EGFL7: variants seen among roughly 807,000 people sequenced by gnomAD.
The protein encoded by EGFL7 is epidermal growth factor-like protein 7.
Under a neutral mutation model 37.1 loss-of-function variants are expected in EGFL7, and 48 were observed. The observed-to-expected ratio is 1.29, with a 90% CI of 1.03 to 1.65. The LOEUF (loss-of-function observed/expected upper bound fraction) is 1.65. Among genes scored for constraint, EGFL7 ranks in the 40% most tolerant of loss-of-function variants. EGFL7 has a pLI of 0.00. For synonymous variants in EGFL7, 180 were observed against 156.8 expected (o/e 1.15, Z -1.10); for missense variants, 384 against 378.9 (o/e 1.01, Z -0.11).
At chr9:136,665,509 G>A (rs964650075) in intron 3 of EGFL7, among the ~76,000 whole-genome samples, 1 of 152,178 alleles carries the variant, frequency 6.6e-6, no homozygotes, top group Non-Finnish European at 1.5e-5. Flanking sequence ...GGGCTTGGTC[G>A]TGCGTCCCCA....
upstream of EGFL7, among the ~76,000 whole-genome samples, chr9:136,661,997 G>A (rs753921702): frequency 1.3e-5 from 2 of 152,170 alleles, no homozygotes; most frequent in Admixed American, 6.5e-5. Context: ...CTTCGGCACC[G>A]TGTCCCCTCC....
chr9:136,662,698 C>A (rs1353826628), upstream of EGFL7, among the ~76,000 whole-genome samples: 3 of 152,160 alleles, frequency 2.0e-5, no homozygotes, highest in African/African-American at 4.8e-5. Flanking sequence ...TGTTTTGGGG[C>A]TAGACTCTGA....
chr9:136,665,312 A>T (rs982664387), intron 3 of EGFL7, among the ~76,000 whole-genome samples: 1 of 152,184 alleles, frequency 6.6e-6, no homozygotes, highest in Non-Finnish European at 1.5e-5. Context: ...CATGATGCCC[A>T]CTGCCTGCGA....
intron 2 of EGFL7, among the ~76,000 whole-genome samples, chr9:136,664,001 G>GT (rs758007330): frequency 2.6e-5 from 4 of 152,250 alleles, no homozygotes; most frequent in Non-Finnish European, 5.9e-5. Context: ...CGCAGATCCA[G>GT]AGATGAGGCC....
chr9:136,670,876 G>A (rs1845809779), intron 8 of EGFL7, 74 bp from the exon 9 acceptor site: 1 of 1,391,202 alleles, frequency 7.2e-7, no homozygotes, highest in Admixed American at 2.0e-5. Flanking sequence ...GCCTCTCCCT[G>A]GGGACAGGAG....
At chr9:136,669,562 G>A in intron 5 of EGFL7, 44 bp from the exon 6 acceptor site, 5 of 1,452,902 alleles carry the variant, frequency 3.4e-6, no homozygotes, top group South Asian at 1.2e-5. Context: ...AGGTGACTAA[G>A]GGGGAGTAGG....
chr9:136,660,709 C>T (rs1845092753), upstream of EGFL7, among the ~76,000 whole-genome samples: 4 of 152,180 alleles, frequency 2.6e-5, no homozygotes, highest in Admixed American at 2.6e-4. Flanking sequence ...CTGCCCCGAG[C>T]TGTCCCCTGG....
intron 3 of EGFL7, among the ~76,000 whole-genome samples, chr9:136,667,964 C>G (rs939074716): frequency 6.6e-6 from 1 of 152,194 alleles, no homozygotes; most frequent in African/African-American, 2.4e-5. Context: ...GGGCAGATGC[C>G]CAGCAGGATC....
intron 4 of EGFL7, 82 bp downstream of exon 4, chr9:136,668,444 T>C (rs1376779499): frequency 6.6e-7 from 1 of 1,506,998 alleles, no homozygotes; most frequent in Non-Finnish European, 9.0e-7. Flanking sequence ...CCTCAGCACC[T>C]GTCGGGGACT....
upstream of EGFL7, chr9:136,659,630 G>T (rs1430311554): frequency 1.3e-5 from 2 of 152,434 alleles, no homozygotes; most frequent in African/African-American, 2.4e-5. Context: ...GCTCTGGGAA[G>T]GTAAGGCAGC....
At chr9:136,661,969 C>T (rs1012022834), upstream of EGFL7, among the ~76,000 whole-genome samples, 10 of 152,354 alleles carry the variant, frequency 6.6e-5, no homozygotes, top group African/African-American at 2.4e-4. Context: ...GGCGTGCCCT[C>T]CAAAGCCACC....
At chr9:136,660,588 G>A (rs1209328618), upstream of EGFL7, among the ~76,000 whole-genome samples, 1 of 152,116 alleles carries the variant, frequency 6.6e-6, no homozygotes, top group East Asian at 1.9e-4. Flanking sequence ...GCCTGGGGAG[G>A]ACGCAGACTC....
Position 136,672,377 on chromosome 9 carries a change from T to G in EGFL7, c.*91T>G. ...ACATGCTGGGGGTCCAGAAACCACC[T>G]CGGGGTGACTGAGCGGAAGGCCAGG... On this transcript the variant is annotated 3_prime_UTR_variant, in exon 11 of 11. Transcript: ENST00000308874. 1.3e-6 allele frequency: 2 copies of G among 1,536,516 alleles called. No homozygotes were observed. Among genetic ancestry groups the G allele is most frequent in the Admixed American group, 3.4e-5 (2 of 58,994 alleles).
Position 136,672,248 on chromosome 9 carries a change from C to T in EGFL7, c.800-16C>T. 6.2e-7 allele frequency: 1 copy of T among 1,613,406 alleles called. No individual in the cohort carries two copies. Among genetic ancestry groups the T allele is most frequent in the Non-Finnish European group, 8.5e-7 (1 of 1,179,942 alleles). ...GGGGAGCAGTGATCTCTGACCTTCG[C>T]CTCATCCAACCCTAGGCTCCTGCAA... On this transcript the variant is annotated splice_polypyrimidine_tract_variant and intron_variant, in intron 10 of 10. Transcript: ENST00000308874.
chr9:136,672,667 A>C lies in EGFL7; in HGVS notation c.*381A>C. On this transcript the variant is annotated 3_prime_UTR_variant, in exon 11 of 11. Transcript: ENST00000308874. ...GCTGCCTGACCCCCAGCACAATAAA[A>C]ATGAAACGTGAGCTGCTGTGTCAGT... 6 of 305,164 alleles carry C rather than the reference A, an allele frequency of 2.0e-5. No homozygotes were observed. Among genetic ancestry groups the C allele is most frequent in the Non-Finnish European group, 2.5e-5 (4 of 161,298 alleles). The allele number at this position is 305,164 out of a possible 1,614,324, so 18.9% of individuals were successfully genotyped here.
In EGFL7 at chr9:136,672,035, G is replaced by A. The variant is rs1050441878; in HGVS notation, c.746G>A (p.Arg249His). Residue 249 changes from arginine to histidine, a missense_variant, in exon 10 of 11, where the codon CGC becomes CAC. Transcript: ENST00000308874. ...GTGCACTCCTTCCAGCAGCTCGGCC[G>A]CATCGACTCCCTGAGCGAGCAGATT... ...LLVHSFQQLG[R>H]IDSLSEQISF... 3.2e-5 allele frequency: 50 copies of A among 1,545,012 alleles called. No homozygotes were observed. The highest frequency in any genetic ancestry group is 2.5e-4 in the African/African-American group (18 of 73,066).
At chr9:136,661,813 G>T (rs1845163763), upstream of EGFL7, among the ~76,000 whole-genome samples, 1 of 152,226 alleles carries the variant, frequency 6.6e-6, no homozygotes, top group Non-Finnish European at 1.5e-5. Context: ...GCTGAGTGGG[G>T]CTGGAGAGGT....
At chr9:136,662,573 C>G (rs531774756), upstream of EGFL7, among the ~76,000 whole-genome samples, 174 of 152,324 alleles carry the variant, frequency 1.1e-3, no homozygotes, top group African/African-American at 4.1e-3. Flanking sequence ...CCCTTCTGTC[C>G]AGCCACACGT....
chr9:136,663,901 G>A (rs1001443036), intron 2 of EGFL7, among the ~76,000 whole-genome samples: 4 of 152,184 alleles, frequency 2.6e-5, no homozygotes, highest in African/African-American at 9.7e-5. Flanking sequence ...GGGCTGAGTC[G>A]GGGCAGCCCT....
Sources: allele counts gnomAD v4.1 joint callset (sites outside exome capture counted in the v4.1 genomes callset), GRCh38; gene constraint gnomAD v4.1.1; transcripts MANE v1.5; gene names NCBI Gene and HGNC (gene_info 2026-07-23, HGNC 2026-07-21).